BCAS3: variants seen among roughly 807,000 people sequenced by gnomAD.
The protein encoded by BCAS3 is BCAS4/BCAS3 fusion.
In BCAS3, 53 loss-of-function variants were observed where a neutral mutation model predicts 116.1. That is an observed-to-expected ratio of 0.46 (90% CI 0.37 to 0.57). BCAS3 has a LOEUF of 0.57. Ranked by LOEUF, BCAS3 falls within the 20% of genes least tolerant of loss-of-function variation. The pLI is 0.00. For synonymous variants in BCAS3, 391 were observed against 408.2 expected (o/e 0.96, Z 0.51); for missense variants, 917 against 1,165.4 (o/e 0.79, Z 3.10).
At chr17:61,277,612 T>C (rs1330273072) in intron 22 of BCAS3, among the ~76,000 whole-genome samples, 2 of 137,024 alleles carry the variant, frequency 1.5e-5, no homozygotes, top group Non-Finnish European at 3.0e-5. Context: ...AAGGGACTTA[T>C]ATCTAGAATA....
chr17:61,027,620 A>G (rs912843883), intron 16 of BCAS3, among the ~76,000 whole-genome samples: 4 of 151,972 alleles, frequency 2.6e-5, no homozygotes, highest in African/African-American at 9.7e-5. Flanking sequence ...ATGTGTTAAG[A>G]ATGGTATAAA....
intron 6 of BCAS3, among the ~76,000 whole-genome samples, chr17:60,753,534 C>T (rs1296003996): frequency 2.0e-5 from 3 of 151,768 alleles, no homozygotes; most frequent in Admixed American, 6.6e-5. Context: ...CTCAACCTCC[C>T]GAGTAGCTGG....
chr17:60,811,016 T>C, intron 7 of BCAS3: 6 of 662,828 alleles, frequency 9.1e-6, no homozygotes, highest in African/African-American at 1.8e-5. Context: ...GTGGTCACCA[T>C]GCAGTCTGCC....
chr17:60,858,476 A>T (rs2053869323), intron 7 of BCAS3, among the ~76,000 whole-genome samples: 1 of 151,754 alleles, frequency 6.6e-6, no homozygotes, highest in Non-Finnish European at 1.5e-5. Flanking sequence ...TGGTATTGAG[A>T]TTCACTTTTG....
At chr17:60,836,774 A>G (rs2051409958) in intron 7 of BCAS3, among the ~76,000 whole-genome samples, 1 of 152,194 alleles carries the variant, frequency 6.6e-6, no homozygotes, top group Non-Finnish European at 1.5e-5. Context: ...GCAAGCAGAA[A>G]AAGTGAAATG....
chr17:61,064,836 T>A (rs1255996109), intron 19 of BCAS3, among the ~76,000 whole-genome samples: 1 of 152,180 alleles, frequency 6.6e-6, no homozygotes, highest in Non-Finnish European at 1.5e-5. Flanking sequence ...AGATCATTGA[T>A]CCCTATAATA....
chr17:60,694,414 T>G (rs921898084), intron 4 of BCAS3, among the ~76,000 whole-genome samples: 1 of 151,870 alleles, frequency 6.6e-6, no homozygotes, highest in Non-Finnish European at 1.5e-5. Flanking sequence ...GGCAGGAGAA[T>G]TGCTTGAACA....
rs1427258197 is a variant in BCAS3 at position 61,392,352 on chromosome 17, G to A, written c.*227G>A. ...CTGTCGGTGGAGGCTGTGGCCAGGA[G>A]AGACTGTAGAAGCTCGGTCCCTGTG... On this transcript the variant is annotated 3_prime_UTR_variant, in exon 24 of 24. Coordinates refer to ENST00000407086, the MANE Select transcript of BCAS3 (RefSeq NM_017679.5). This position sits in a 1 kb window ranked among gnomAD's most constrained non-coding sequence, Gnocchi z 6.4. 2.0e-6 allele frequency: 1 copy of A among 505,696 alleles called. No homozygotes were observed. The highest frequency in any genetic ancestry group is 3.5e-6 in the Non-Finnish European group (1 of 288,204). 31.3% of individuals were successfully genotyped at this position (505,696 alleles called of 1,614,324 possible).
At chr17:60,847,038 G>C (rs2052601533) in intron 7 of BCAS3, among the ~76,000 whole-genome samples, 1 of 152,102 alleles carries the variant, frequency 6.6e-6, no homozygotes, top group Non-Finnish European at 1.5e-5. Flanking sequence ...GGATTGACCT[G>C]TTCTGGGTAT....
At chr17:61,353,120 G>A (rs893716527) in intron 22 of BCAS3, among the ~76,000 whole-genome samples, 9 of 152,136 alleles carry the variant, frequency 5.9e-5, no homozygotes, top group East Asian at 1.9e-4. Flanking sequence ...GCCCAAGACC[G>A]ATGTGCAAGA....
Position 61,344,423 on chromosome 17 carries a change from C to G in BCAS3, c.2426-23904C>G, listed in dbSNP as rs1266537886. 6.6e-6 allele frequency among the ~76,000 whole-genome samples: 1 copy of G among 152,142 alleles called. No individual in the cohort carries two copies. The highest frequency in any genetic ancestry group is 1.5e-5 in the Non-Finnish European group (1 of 68,032). Reference sequence around the variant, plus strand: ...TCCATCTGTGCACTGATGTTAGTGTCCCGTTGTCATTTAAGTCCTTGATTC... The same window carrying G: ...TCCATCTGTGCACTGATGTTAGTGTGCCGTTGTCATTTAAGTCCTTGATTC... On this transcript the variant is annotated intron_variant, in intron 22 of 23. Coordinates refer to ENST00000407086, the MANE Select transcript of BCAS3 (RefSeq NM_017679.5). The surrounding 1 kb of genome is among the most constrained non-coding windows in gnomAD (Gnocchi z 4.1).
intron 16 of BCAS3, among the ~76,000 whole-genome samples, chr17:61,030,002 T>A (rs533214522): frequency 1.3e-5 from 2 of 152,198 alleles, no homozygotes; most frequent in Admixed American, 1.3e-4. Context: ...ATATCTTTAG[T>A]TATTTGAAAT....
chr17:60,843,144 T>A (rs955237970), intron 7 of BCAS3, among the ~76,000 whole-genome samples: 8 of 151,748 alleles, frequency 5.3e-5, no homozygotes, highest in Non-Finnish European at 1.2e-4. Flanking sequence ...TATATATTTT[T>A]AAAAATTGGC....
At chr17:60,699,289 A>G (rs1047471584) in intron 4 of BCAS3, among the ~76,000 whole-genome samples, 1 of 152,138 alleles carries the variant, frequency 6.6e-6, no homozygotes, top group Non-Finnish European at 1.5e-5. Flanking sequence ...ATCTTGACTC[A>G]CTGCAACATC....
intron 20 of BCAS3, among the ~76,000 whole-genome samples, chr17:61,076,521 G>A (rs1363404311): frequency 2.0e-5 from 3 of 152,206 alleles, no homozygotes; most frequent in African/African-American, 7.2e-5. Context: ...AACCCCAAAT[G>A]TGTGTTTTTT....
intron 22 of BCAS3, among the ~76,000 whole-genome samples, chr17:61,338,710 CAGT>C (rs2056908223): frequency 6.6e-6 from 1 of 152,026 alleles, no homozygotes; most frequent in Non-Finnish European, 1.5e-5. Context: ...TTGGATCTGG[CAGT>C]GCAGGCCCGC....
At chr17:61,133,024 C>A (rs2191166) in intron 22 of BCAS3, among the ~76,000 whole-genome samples, 1 of 152,136 alleles carries the variant, frequency 6.6e-6, no homozygotes, top group African/African-American at 2.4e-5. Flanking sequence ...AATTTTAAAT[C>A]TAATCCAATC....
chr17:60,932,508 G>A (rs1599774299), intron 13 of BCAS3, among the ~76,000 whole-genome samples: 1 of 151,986 alleles, frequency 6.6e-6, no homozygotes, highest in Admixed American at 6.6e-5. Context: ...TTGGGAGGCC[G>A]AGGCGGGTGG....
chr17:60,681,612 C>T (rs2033130419), intron 2 of BCAS3, among the ~76,000 whole-genome samples: 1 of 149,378 alleles, frequency 6.7e-6, no homozygotes, highest in Admixed American at 6.8e-5. Flanking sequence ...AGTGCAGTGG[C>T]ATGATCTCGG....
Sources: gnomAD v4.1 joint callset for allele counts (sites outside exome capture counted in the v4.1 genomes callset) on GRCh38, gnomAD v4.1.1 for gene constraint, Gnocchi (gnomAD v3.1) non-coding constraint, MANE v1.5 for transcripts, NCBI Gene and HGNC (gene_info 2026-07-23, HGNC 2026-07-21) for gene names.